Variants in IL33 observed in about 807,000 individuals in gnomAD.
IL33 encodes the protein interleukin 33.
IL33 carries 37 observed loss-of-function variants against 27.3 expected under a neutral mutation model. The ratio of observed to expected loss-of-function variants is 1.36; its 90% CI spans 1.04 to 1.78. IL33 has a LOEUF of 1.78. IL33 is among the 40% of genes most tolerant of loss of function. The pLI, the probability that IL33 is intolerant of heterozygous loss-of-function variation, is 0.00. For synonymous variants in IL33, 132 were observed against 102.9 expected, an observed-to-expected ratio of 1.28 and a Z score of -1.71; for missense variants, 406 against 311.4, an observed-to-expected ratio of 1.30 and a Z score of -2.29.
rs375160870 is a variant in IL33, at chr9:6,252,997, T to C, written c.469+6T>C. Reference sequence around the variant, plus strand: ...GAAAAAAGATGAAAAGAAAGGTAGATTATTTTCTTTTTCTATAATAATGTA... The same window carrying C: ...GAAAAAAGATGAAAAGAAAGGTAGACTATTTTCTTTTTCTATAATAATGTA... On this transcript the variant is annotated splice_donor_region_variant and intron_variant, in intron 5 of 7. Transcript: ENST00000682010. The C allele has an allele frequency of 1.6e-5, 23 of 1,476,260 alleles. No individual in the cohort carries two copies. The African/African-American group carries it at 3.1e-4, about 20-fold the overall frequency. 91.4% of individuals were successfully genotyped at this position (1,476,260 alleles called of 1,614,324 possible). A position where few individuals can be genotyped will look rare whatever the true frequency, so the allele number is the denominator to read the frequency against.
At chr9:6,239,897 G>A (rs867765864) in intron 1 of IL33, among the ~76,000 whole-genome samples, 4 of 151,998 alleles carry the variant, frequency 2.6e-5, no homozygotes, top group East Asian at 1.9e-4. Context: ...TGTTCCTTTC[G>A]GTGGAGAAAG....
At chr9:6,227,470 G>C (rs1302662548) in intron 1 of IL33, among the ~76,000 whole-genome samples, 1 of 152,062 alleles carries the variant, frequency 6.6e-6, no homozygotes, top group African/African-American at 2.4e-5. Context: ...TATTATGCTG[G>C]AAACAGCATA....
intron 2 of IL33, 58 bp from the exon 3 acceptor site, chr9:6,250,416 T>C: frequency 6.3e-7 from 1 of 1,582,162 alleles, no homozygotes; most frequent in Non-Finnish European, 8.6e-7. Flanking sequence ...ACTCAGGATT[T>C]GTAGAAGGAT....
chr9:6,247,272 A>G (rs1483760614), intron 2 of IL33, among the ~76,000 whole-genome samples: 2 of 152,218 alleles, frequency 1.3e-5, no homozygotes, highest in African/African-American at 4.8e-5. Flanking sequence ...GTCAGAGAGA[A>G]ACAAGAAGAA....
Position 6,252,855 on chromosome 9 carries a change from C to T in IL33, c.344-11C>T, listed in dbSNP as rs1387752356. 6.3e-7 allele frequency: 1 copy of T among 1,595,042 alleles called. No individual in the cohort carries two copies. Among genetic ancestry groups the T allele is most frequent in the Non-Finnish European group, 8.5e-7 (1 of 1,175,158 alleles). On this transcript the variant is annotated splice_polypyrimidine_tract_variant and intron_variant, in intron 4 of 7. Coordinates refer to ENST00000682010, the MANE Select transcript of IL33 (RefSeq NM_033439.4). ...ATTGTGCCTGACAAATTTTTGAATT[C>T]TTAACAACAGGAATTTCACCTATTA... is the stretch of plus-strand genomic sequence containing the variant.
intron 1 of IL33, 62 bp downstream of exon 1, chr9:6,215,914 A>G (rs1818116774): frequency 6.6e-6 from 1 of 150,458 alleles, no homozygotes; most frequent in Non-Finnish European, 1.5e-5. Flanking sequence ...CTTGGGAACC[A>G]TGGAGAACTG....
At chr9:6,241,901 C>G in intron 2 of IL33, 116 bp downstream of exon 2, 5 of 737,460 alleles carry the variant, frequency 6.8e-6, no homozygotes, top group Middle Eastern at 3.7e-4. Context: ...AATACAAGAA[C>G]TAAAATAAAA....
rs1161011437 is a variant in IL33, at chr9:6,241,779, C to A, written c.85C>A (p.Leu29Met). 6.2e-7 allele frequency: 1 copy of A among 1,607,556 alleles called. No individual in the cohort carries two copies. The highest frequency in any genetic ancestry group is 8.5e-7 in the Non-Finnish European group (1 of 1,176,340). Reference sequence around the variant, plus strand: ...AGCAAGCAAAGCCTTGTGTTTCAAGCTGGGAAGTAAGGACTTAAGTTATCT... The same window carrying A: ...AGCAAGCAAAGCCTTGTGTTTCAAGATGGGAAGTAAGGACTTAAGTTATCT... ...NTASKALCFK[L>M]GKSQQKAKEV... The change falls in exon 2 of 8, where the codon CTG (leucine) becomes ATG (methionine). Residue 29 changes from leucine (L) to methionine (M), a missense_variant. Physicochemically the swap from Leu to Met is conservative, Grantham distance 15 (BLOSUM62 2). Coordinates refer to ENST00000682010, the MANE Select transcript of IL33 (RefSeq NM_033439.4).
intron 1 of IL33, among the ~76,000 whole-genome samples, chr9:6,217,440 C>T (rs1161690542): frequency 6.6e-6 from 1 of 152,150 alleles, no homozygotes; most frequent in Non-Finnish European, 1.5e-5. Flanking sequence ...CCAAAGTTAG[C>T]TTGGCCCAAG....
At chr9:6,233,351 C>T (rs1343577124) in intron 1 of IL33, among the ~76,000 whole-genome samples, 1 of 152,162 alleles carries the variant, frequency 6.6e-6, no homozygotes, top group Non-Finnish European at 1.5e-5. Flanking sequence ...CACATCTTCT[C>T]TCATTCTCTC....
chr9:6,248,870 C>G (rs1230090956), intron 2 of IL33, among the ~76,000 whole-genome samples: 1 of 152,074 alleles, frequency 6.6e-6, no homozygotes, highest in Non-Finnish European at 1.5e-5. Flanking sequence ...TGAGCCACAG[C>G]ACCTGGCCAA....
At chr9:6,247,850 C>T (rs893147211) in intron 2 of IL33, among the ~76,000 whole-genome samples, 9 of 151,892 alleles carry the variant, frequency 5.9e-5, no homozygotes, top group African/African-American at 2.2e-4. Context: ...GTAGTAACCC[C>T]CATCCTTGAA....
intron 2 of IL33, among the ~76,000 whole-genome samples, chr9:6,245,028 C>T (rs148442814): frequency 4.3e-4 from 66 of 152,280 alleles, no homozygotes; most frequent in African/African-American, 1.3e-3. Flanking sequence ...TTCCCTTCCC[C>T]GTTTCCAGGA....
chr9:6,250,753 CA>C (rs1816304211), intron 3 of IL33, among the ~76,000 whole-genome samples, 154 bp downstream of exon 3: 1 of 151,764 alleles, frequency 6.6e-6, no homozygotes, highest in Admixed American at 6.6e-5. Context: ...TTTAAAAGGG[CA>C]TATAAAGAAT....
chr9:6,226,063 A>G (rs528622697), intron 1 of IL33, among the ~76,000 whole-genome samples: 15 of 152,246 alleles, frequency 9.9e-5, no homozygotes, highest in Admixed American at 2.6e-4. Flanking sequence ...GCTAGAGTGC[A>G]GTGACATAAT....
rs765062399 is a variant in IL33, at chr9:6,254,556, A to T, written c.612+3A>T. 6 of 930,712 alleles carry T rather than the reference A, an allele frequency of 6.4e-6. No individual in the cohort carries two copies. Among genetic ancestry groups the T allele is most frequent in the South Asian group, 2.2e-5 (1 of 46,466 alleles). The allele number at this position is 930,712 out of a possible 1,614,324, so 57.7% of individuals were successfully genotyped here. A position where few individuals can be genotyped will look rare whatever the true frequency, so the allele number is the denominator to read the frequency against. ...ACAACAAGGAACACTCTGTGGAGGT[A>T]AAAAAAAAAAATTTATCTATATCTA... On this transcript the variant is annotated splice_donor_region_variant and intron_variant, in intron 7 of 7. Coordinates refer to ENST00000682010, the MANE Select transcript of IL33 (RefSeq NM_033439.4).
At chr9:6,227,083 T>G (rs944150368) in intron 1 of IL33, among the ~76,000 whole-genome samples, 9 of 152,376 alleles carry the variant, frequency 5.9e-5, no homozygotes, top group African/African-American at 1.9e-4. Context: ...AGGTAAATTC[T>G]TAGAGATATG....
At chr9:6,235,855 T>C (rs1215286447) in intron 1 of IL33, among the ~76,000 whole-genome samples, 4 of 152,198 alleles carry the variant, frequency 2.6e-5, no homozygotes, top group Admixed American at 1.3e-4. Context: ...ACAAAACTGT[T>C]AATTAATACA....
intron 2 of IL33, among the ~76,000 whole-genome samples, chr9:6,248,445 A>T (rs1408728062): frequency 6.6e-6 from 1 of 151,722 alleles, no homozygotes. Flanking sequence ...TTTGTTATAA[A>T]AGTGAGTTCT....
Sources: gnomAD v4.1 joint callset for allele counts (sites outside exome capture counted in the v4.1 genomes callset) on GRCh38, gnomAD v4.1.1 for gene constraint, MANE v1.5 for transcripts, NCBI Gene and HGNC (gene_info 2026-07-23, HGNC 2026-07-21) for gene names.